Variants in SLC35F3 observed in about 807,000 individuals in gnomAD.
SLC35F3 encodes the protein putative thiamine transporter SLC35F3.
Under a neutral mutation model 49.9 loss-of-function variants are expected in SLC35F3, and 25 were observed. The observed-to-expected ratio is 0.50, with a 90% CI of 0.37 to 0.70. The LOEUF (loss-of-function observed/expected upper bound fraction) is 0.70, where lower values mean the gene tolerates loss of function less well. SLC35F3 is among the 30% of genes least tolerant of loss of function. The probability of loss-of-function intolerance (pLI) is 0.00; values close to 1 mark genes in which losing one functional copy is unlikely to be tolerated. For missense variants in SLC35F3, 525 were observed against 639.8 expected, an observed-to-expected ratio of 0.82 and a Z score of 1.94; for synonymous variants, 275 against 265.4, an observed-to-expected ratio of 1.04 and a Z score of -0.35.
intron 2 of SLC35F3, among the ~76,000 whole-genome samples, chr1:233,918,814 C>A (rs903430435): frequency 2.2e-4 from 13 of 60,164 alleles, no homozygotes; most frequent in East Asian, 6.6e-4. Context: ...CTCTCTCTCT[C>A]TCTATATATA....
rs986144678 is a variant in SLC35F3, at chr1:234,233,289, C to T, written c.608+1548C>T. Among the ~76,000 whole-genome samples, 16 of 152,244 alleles carry T rather than the reference C, an allele frequency of 1.1e-4. 1 individual carries two copies. Among genetic ancestry groups the T allele is most frequent in the Admixed American group, 4.6e-4 (7 of 15,292 alleles). On this transcript the variant is annotated intron_variant, in intron 3 of 7. Coordinates refer to ENST00000366618, the MANE Select transcript of SLC35F3 (RefSeq NM_173508.4). ...AATTTGTAATTAGGCGGTAACCCTT[C>T]ATTAAAACTGATTAGGATGGTATGC...
At chr1:234,108,295 A>AAT (rs1665319954) in intron 2 of SLC35F3, among the ~76,000 whole-genome samples, 1 of 108,660 alleles carries the variant, frequency 9.2e-6, no homozygotes, top group East Asian at 5.0e-4. Context: ...TTATATATAA[A>AAT]GATATATATT....
At chr1:234,089,491 G>A (rs1179399558) in intron 2 of SLC35F3, among the ~76,000 whole-genome samples, 1 of 152,214 alleles carries the variant, frequency 6.6e-6, no homozygotes, top group African/African-American at 2.4e-5. Flanking sequence ...AACAGATGAA[G>A]GACCCTGCAG....
At chr1:234,052,574 T>G (rs1483150226) in intron 2 of SLC35F3, among the ~76,000 whole-genome samples, 1 of 152,166 alleles carries the variant, frequency 6.6e-6, no homozygotes, top group Non-Finnish European at 1.5e-5. Flanking sequence ...TTTGTTGATC[T>G]TTTCAAAAAA....
chr1:233,981,932 T>C (rs112293466), intron 2 of SLC35F3, among the ~76,000 whole-genome samples: 14 of 152,324 alleles, frequency 9.2e-5, no homozygotes, highest in African/African-American at 3.4e-4. Flanking sequence ...GTTGAACGTT[T>C]TTTTGTTGTT....
At chr1:234,110,330 T>C (rs1665387797) in intron 2 of SLC35F3, among the ~76,000 whole-genome samples, 1 of 152,184 alleles carries the variant, frequency 6.6e-6, no homozygotes, top group African/African-American at 2.4e-5. Context: ...AATGTGTCAA[T>C]TGATGGAAGA....
intron 2 of SLC35F3, among the ~76,000 whole-genome samples, chr1:233,956,520 G>C (rs1662707122): frequency 6.6e-6 from 1 of 152,172 alleles, no homozygotes. Flanking sequence ...CCCTCTCCCT[G>C]GTTCTTTCTT....
rs1002606533 is a variant in SLC35F3, at chr1:233,957,359, C to T, written c.283+51601C>T. Among the ~76,000 whole-genome samples the T allele has an allele frequency of 3.3e-5, 5 of 152,184 alleles. No homozygotes were observed. Among genetic ancestry groups the T allele is most frequent in the South Asian group, 2.1e-4 (1 of 4,834 alleles). On this transcript the variant is annotated intron_variant, in intron 2 of 7. Transcript: ENST00000366618. The surrounding 1 kb of genome is among the most constrained non-coding windows in gnomAD (Gnocchi z 4.0). Reference sequence around the variant, plus strand: ...TCCATCTTCATTCTACTAACTGATGCGCTACTCAGTTCATCAGGGTGTGGG... The same window carrying T: ...TCCATCTTCATTCTACTAACTGATGTGCTACTCAGTTCATCAGGGTGTGGG...
At chr1:234,063,937 A>T in intron 2 of SLC35F3, among the ~76,000 whole-genome samples, 1 of 152,222 alleles carries the variant, frequency 6.6e-6, no homozygotes, top group East Asian at 1.9e-4. Context: ...ATAGTCCTAC[A>T]TGTGGGATCT....
Position 233,933,047 on chromosome 1 carries a change from A to AC in SLC35F3, c.283+27289_283+27290insC, listed in dbSNP as rs1318407861. ...TGGGCTATTTAAGTAAAAAAAAAAA[A>AC]AAAAAAACTATGACCATGGTAAAAA... On this transcript the variant is annotated intron_variant, in intron 2 of 7. Coordinates refer to ENST00000366618, the MANE Select transcript of SLC35F3 (RefSeq NM_173508.4). 7.3e-5 allele frequency among the ~76,000 whole-genome samples: 11 copies of AC among 151,670 alleles called. No individual in the cohort carries two copies. The South Asian group carries it at 1.9e-3, about 26-fold the overall frequency.
At chr1:233,945,087 A>G (rs1263783230) in intron 2 of SLC35F3, among the ~76,000 whole-genome samples, 2 of 152,036 alleles carry the variant, frequency 1.3e-5, no homozygotes, top group African/African-American at 2.4e-5. Flanking sequence ...TGTTCTGTTC[A>G]TAATTGAAAA....
chr1:233,925,676 T>C (rs1184241009), intron 2 of SLC35F3, among the ~76,000 whole-genome samples: 2 of 152,240 alleles, frequency 1.3e-5, no homozygotes, highest in Non-Finnish European at 2.9e-5. Context: ...CCTGTCATTA[T>C]GATGTTAGCT....
rs767592597 is a variant in SLC35F3, at chr1:234,316,637, G to A, written c.864G>A (p.Val288=). 1 of 1,612,488 alleles carries A rather than the reference G, an allele frequency of 6.2e-7. No homozygotes were observed. Among genetic ancestry groups the A allele is most frequent in the South Asian group, 1.1e-5 (1 of 91,022 alleles). ...CCATCCTCGCCATCGCTGGCATTGT[G>A]ATGATGACCTACGCTGATGGCTTCC... is the stretch of plus-strand genomic sequence containing the variant. The part of the protein sequence containing the change: ...VAAILAIAGI[V]MMTYADGFHS... Residue 288 remains valine, a synonymous_variant, in exon 5 of 8, where the codon GTG becomes GTA. Transcript: ENST00000366618.
intron 3 of SLC35F3, among the ~76,000 whole-genome samples, chr1:234,253,291 A>G (rs1269799968): frequency 6.6e-6 from 1 of 152,084 alleles, no homozygotes; most frequent in Non-Finnish European, 1.5e-5. Context: ...GCGCCACCGC[A>G]CTCCAGCCTG....
At chr1:234,274,030 G>GA (rs2102976688) in intron 3 of SLC35F3, 1 of 152,248 alleles carries the variant, frequency 6.6e-6, no homozygotes, top group South Asian at 2.1e-4. Flanking sequence ...CTTTTAAAAG[G>GA]AAAAACAGAT....
Position 234,323,080 on chromosome 1 carries a change from G to A in SLC35F3, c.1310G>A (p.Gly437Asp), listed in dbSNP as rs2103000541. The change falls in exon 8 of 8, where the codon GGT becomes GAT. Residue 437 changes from glycine (G) to aspartate (D), a missense_variant. Around this residue, in one of 4 missense-constraint regions of SLC35F3, gnomAD observed 76 missense variants for 95.6 expected, o/e 0.80. Coordinates refer to ENST00000366618, the MANE Select transcript of SLC35F3 (RefSeq NM_173508.4). The surrounding 1 kb of genome is among the most constrained non-coding windows in gnomAD (Gnocchi z 4.5). ...RVIAIIIIGL[G>D]FLLLLLPEEW... ...ATCGCCATCATCATCATCGGCCTGG[G>A]TTTTCTCCTCCTGCTCCTGCCAGAG... 1.9e-6 allele frequency: 3 copies of A among 1,614,110 alleles called. No individual in the cohort carries two copies. The highest frequency in any genetic ancestry group is 2.5e-6 in the Non-Finnish European group (3 of 1,180,028).
At chr1:234,002,736 G>A (rs928515932) in intron 2 of SLC35F3, among the ~76,000 whole-genome samples, 2 of 152,128 alleles carry the variant, frequency 1.3e-5, no homozygotes, top group African/African-American at 4.8e-5. Context: ...CACCCTTAAG[G>A]AGGGTTGCGT....
chr1:234,028,469 A>G (rs908726918), intron 2 of SLC35F3, among the ~76,000 whole-genome samples: 1 of 152,208 alleles, frequency 6.6e-6, no homozygotes, highest in African/African-American at 2.4e-5. Flanking sequence ...TCTACTCACC[A>G]GCATCCCTGT....
intron 2 of SLC35F3, among the ~76,000 whole-genome samples, chr1:233,979,048 A>C (rs376046647): frequency 2.0e-5 from 3 of 152,176 alleles, no homozygotes; most frequent in African/African-American, 4.8e-5. Context: ...ATTAAAAAAA[A>C]AAAAACAAAA....
Sources: gnomAD v4.1 joint callset for allele counts (sites outside exome capture counted in the v4.1 genomes callset) on GRCh38, gnomAD v4.1.1 for gene constraint, gnomAD v4.1.1 regional missense constraint, Gnocchi (gnomAD v3.1) non-coding constraint, MANE v1.5 for transcripts, NCBI Gene and HGNC (gene_info 2026-07-23, HGNC 2026-07-21) for gene names.